CALN1: variants seen among roughly 807,000 people sequenced by gnomAD.
CALN1 encodes the protein calcium-binding protein 8.
In CALN1, 17 loss-of-function variants were observed where a neutral mutation model predicts 30.6. That is an observed-to-expected ratio of 0.56 (90% CI 0.38 to 0.83). The LOEUF (loss-of-function observed/expected upper bound fraction) is 0.83. Among genes scored for constraint, CALN1 ranks in the 40% least tolerant of loss-of-function variants. The pLI is 0.00. For synonymous variants in CALN1, 156 were observed against 131.4 expected, an observed-to-expected ratio of 1.19 and a Z score of -1.28; for missense variants, 291 against 354.9, an observed-to-expected ratio of 0.82 and a Z score of 1.45.
At chr7:72,243,404 A>C (rs1405958549) in intron 3 of CALN1, among the ~76,000 whole-genome samples, 1 of 152,190 alleles carries the variant, frequency 6.6e-6, no homozygotes, top group African/African-American at 2.4e-5. Context: ...GACCATGATA[A>C]GAAGTAATTT....
chr7:72,359,255 G>A (rs552788541), intron 2 of CALN1, among the ~76,000 whole-genome samples: 11 of 152,152 alleles, frequency 7.2e-5, no homozygotes, highest in African/African-American at 9.6e-5. Context: ...CCCCGACCGC[G>A]TTCTCAATCC....
At chr7:71,976,186 C>A (rs144907733) in intron 5 of CALN1, among the ~76,000 whole-genome samples, 1 of 152,188 alleles carries the variant, frequency 6.6e-6, no homozygotes, top group Non-Finnish European at 1.5e-5. Flanking sequence ...AGAGGATACA[C>A]TGATGTAAAA....
At chr7:72,149,320 T>G (rs1787032723) in intron 3 of CALN1, among the ~76,000 whole-genome samples, 1 of 151,742 alleles carries the variant, frequency 6.6e-6, no homozygotes, top group East Asian at 2.0e-4. Context: ...ATACAAAAAT[T>G]AGCTGGGCGT....
intron 5 of CALN1, among the ~76,000 whole-genome samples, chr7:71,847,417 A>T (rs562932556): frequency 4.0e-4 from 61 of 152,162 alleles, no homozygotes; most frequent in African/African-American, 1.4e-3. Context: ...TGGGAGGCCA[A>T]GGTGGGTGGA....
At chr7:72,018,647 G>A (rs1000087689) in intron 5 of CALN1, among the ~76,000 whole-genome samples, 4 of 152,178 alleles carry the variant, frequency 2.6e-5, no homozygotes, top group African/African-American at 7.2e-5. Flanking sequence ...AAAGGAAGCC[G>A]CATTTGTAGC....
chr7:72,032,871 C>T (rs1801551385), intron 4 of CALN1, among the ~76,000 whole-genome samples: 1 of 152,124 alleles, frequency 6.6e-6, no homozygotes, highest in Non-Finnish European at 1.5e-5. Context: ...CCTGTTCAGG[C>T]CCTGCAGGGT....
intron 3 of CALN1, among the ~76,000 whole-genome samples, chr7:72,157,178 TTCATTCAC>T (rs1202888804): frequency 2.6e-5 from 4 of 152,360 alleles, no homozygotes; most frequent in African/African-American, 9.6e-5. Flanking sequence ...CATTCATTCA[TTCATTCAC>T]TTACCCATTT....
chr7:71,955,829 G>A (rs1317726229), intron 5 of CALN1, among the ~76,000 whole-genome samples: 1 of 151,934 alleles, frequency 6.6e-6, no homozygotes, highest in Non-Finnish European at 1.5e-5. Flanking sequence ...CCTCTGGGAG[G>A]AAAGTCAGAA....
chr7:72,033,251 C>A (rs1478928777), intron 4 of CALN1, among the ~76,000 whole-genome samples: 1 of 151,928 alleles, frequency 6.6e-6, no homozygotes, highest in African/African-American at 2.4e-5. Context: ...GACCAACCAG[C>A]CAAAATTCTC....
At chr7:72,216,671 C>A (rs1031023477) in intron 3 of CALN1, among the ~76,000 whole-genome samples, 1 of 152,110 alleles carries the variant, frequency 6.6e-6, no homozygotes, top group Non-Finnish European at 1.5e-5. Flanking sequence ...ACCAGATACA[C>A]CTCTGATCCC....
chr7:71,872,060 G>T (rs1476565872), intron 5 of CALN1, among the ~76,000 whole-genome samples: 3 of 152,160 alleles, frequency 2.0e-5, no homozygotes, highest in Admixed American at 6.5e-5. Flanking sequence ...TAGTTTTAAT[G>T]AATTTAAGTT....
intron 1 of CALN1, among the ~76,000 whole-genome samples, chr7:72,410,258 A>T (rs1807031029): frequency 6.6e-6 from 1 of 152,216 alleles, no homozygotes; most frequent in African/African-American, 2.4e-5. Flanking sequence ...TGAGCAATGA[A>T]GTCTCATCAC....
intron 2 of CALN1, among the ~76,000 whole-genome samples, chr7:72,400,814 T>G (rs1806289333): frequency 6.6e-6 from 1 of 152,178 alleles, no homozygotes; most frequent in South Asian, 2.1e-4. Context: ...CCCATGGATA[T>G]CTCCCTAACA....
intron 3 of CALN1, among the ~76,000 whole-genome samples, chr7:72,155,445 T>A (rs62462831): frequency 0.26 from 38,924 of 147,998 alleles, 5,997 homozygotes; most frequent in Non-Finnish European, 0.35. Flanking sequence ...TGAGCCGAGA[T>A]CACGCCACTG....
intron 3 of CALN1, among the ~76,000 whole-genome samples, chr7:72,156,932 T>C (rs1787727430): frequency 6.6e-6 from 1 of 152,140 alleles, no homozygotes; most frequent in Non-Finnish European, 1.5e-5. Flanking sequence ...ATGCTGAGTG[T>C]TGAGAGGATG....
At chr7:72,489,162 C>T in the CALN1 span, among the ~76,000 whole-genome samples, 1 of 152,148 alleles carries the variant, frequency 6.6e-6, no homozygotes. Flanking sequence ...CCCTCCAATA[C>T]TCCTCCTCCA....
At chr7:72,202,207 T>C (rs1451666208) in intron 3 of CALN1, among the ~76,000 whole-genome samples, 1 of 152,178 alleles carries the variant, frequency 6.6e-6, no homozygotes, top group Non-Finnish European at 1.5e-5. Context: ...GCAAGACTGA[T>C]ACCGCAGGAA....
intron 2 of CALN1, among the ~76,000 whole-genome samples, chr7:72,350,088 A>G (rs891958158): frequency 6.6e-6 from 1 of 152,166 alleles, no homozygotes; most frequent in African/African-American, 2.4e-5. Context: ...TTTATGTTTA[A>G]GCCTTCAATC....
chr7:71,805,492 G>A (rs776621816), intron 6 of CALN1, among the ~76,000 whole-genome samples: 1 of 152,196 alleles, frequency 6.6e-6, no homozygotes, highest in Non-Finnish European at 1.5e-5. Context: ...ACAGTTAGGT[G>A]CTAGATTCAT....
Sources: allele counts gnomAD v4.1 joint callset (sites outside exome capture counted in the v4.1 genomes callset), GRCh38; gene constraint gnomAD v4.1.1; transcripts MANE v1.5; gene names NCBI Gene and HGNC (gene_info 2026-07-23, HGNC 2026-07-21).